Variants in BTD observed in about 807,000 individuals in gnomAD.
BTD encodes biocytinase.
In BTD, 13 loss-of-function variants were observed where a neutral mutation model predicts 17.7. The ratio of observed to expected loss-of-function variants is 0.74; its 90% CI spans 0.48 to 1.17. The LOEUF (loss-of-function observed/expected upper bound fraction) is 1.17, where lower values mean the gene tolerates loss of function less well. Among genes scored for constraint, BTD ranks in the 50% most tolerant of loss-of-function variants. BTD has a pLI of 0.00. For synonymous variants in BTD, 240 were observed against 245.2 expected, an observed-to-expected ratio of 0.98 and a Z score of 0.20; for missense variants, 674 against 650.4, an observed-to-expected ratio of 1.04 and a Z score of -0.39.
intron 2 of BTD, among the ~76,000 whole-genome samples, chr3:15,639,345 A>G (rs1159195822): frequency 6.6e-6 from 1 of 152,122 alleles, no homozygotes; most frequent in Non-Finnish European, 1.5e-5. Flanking sequence ...ATTTTCAAAA[A>G]TCTGAAAAGA....
chr3:15,601,561 T>C (rs757711833), upstream of BTD: 10 of 1,602,250 alleles, frequency 6.2e-6, no homozygotes, highest in Middle Eastern at 3.3e-4. Flanking sequence ...CCTCTGGTAC[T>C]GCACCTCTGA....
chr3:15,670,359 A>G, intron 3 of BTD: 5 of 1,614,010 alleles, frequency 3.1e-6, no homozygotes, highest in Non-Finnish European at 4.2e-6. Flanking sequence ...AAACTGCAAT[A>G]GGAGCTAGGT....
chr3:15,659,187 C>T (rs1331328292), intron 3 of BTD, among the ~76,000 whole-genome samples: 1 of 152,214 alleles, frequency 6.6e-6, no homozygotes, highest in Non-Finnish European at 1.5e-5. Flanking sequence ...GTATATCTCA[C>T]ACACCTACTC....
intron 3 of BTD, among the ~76,000 whole-genome samples, chr3:15,703,016 T>G (rs1302850889): frequency 1.3e-5 from 2 of 152,228 alleles, no homozygotes; most frequent in Non-Finnish European, 2.9e-5. Context: ...TTAAGTAATT[T>G]GCTGAAGGTC....
At chr3:15,717,949 G>A (rs1462865375) in intron 4 of BTD, among the ~76,000 whole-genome samples, 1 of 152,174 alleles carries the variant, frequency 6.6e-6, no homozygotes, top group South Asian at 2.1e-4. Context: ...AATGGAGAAT[G>A]TAGTAGGAGG....
chr3:15,634,919 G>A (rs6773682), intron 1 of BTD, among the ~76,000 whole-genome samples: 70,874 of 152,082 alleles, frequency 0.47, 18,428 homozygotes, highest in East Asian at 0.69. Context: ...AAGAAATGCA[G>A]GGAGAATTGT....
At chr3:15,629,237 A>G (rs898815302) in intron 1 of BTD, among the ~76,000 whole-genome samples, 3 of 152,198 alleles carry the variant, frequency 2.0e-5, no homozygotes. Flanking sequence ...ACATTCCTCT[A>G]TCTTCTACTC....
At chr3:15,707,022 C>T (rs2126017384) in intron 3 of BTD, among the ~76,000 whole-genome samples, 1 of 152,272 alleles carries the variant, frequency 6.6e-6, no homozygotes, top group South Asian at 2.1e-4. Flanking sequence ...AGAGTTTATA[C>T]TAAATTAACA....
chr3:15,689,713 C>G (rs1271989162), intron 3 of BTD: 1 of 236,856 alleles, frequency 4.2e-6, no homozygotes, highest in East Asian at 9.0e-5. Flanking sequence ...AGCTGGTAGT[C>G]TAGGACCTAC....
chr3:15,658,249 C>T (rs1001259152), downstream of BTD, among the ~76,000 whole-genome samples: 4 of 152,060 alleles, frequency 2.6e-5, no homozygotes, highest in African/African-American at 7.2e-5. Flanking sequence ...TACACTGGTG[C>T]TCCTGTCCAC....
At chr3:15,699,396 T>A (rs1353581908) in intron 3 of BTD, among the ~76,000 whole-genome samples, 3 of 151,910 alleles carry the variant, frequency 2.0e-5, no homozygotes, top group Non-Finnish European at 4.4e-5. Flanking sequence ...ACAAATGGGA[T>A]CTAATTAAAC....
intron 3 of BTD, among the ~76,000 whole-genome samples, chr3:15,664,705 T>C (rs2125544163): frequency 6.7e-6 from 1 of 150,270 alleles, no homozygotes; most frequent in East Asian, 1.9e-4. Flanking sequence ...TGAAAATTTA[T>C]GTTGGCTTCC....
intron 1 of BTD, among the ~76,000 whole-genome samples, chr3:15,602,650 A>G (rs2064303077): frequency 6.6e-6 from 1 of 152,196 alleles, no homozygotes; most frequent in East Asian, 1.9e-4. Flanking sequence ...TAAAGAGATG[A>G]GAGGGGAGTG....
intron 3 of BTD, among the ~76,000 whole-genome samples, chr3:15,662,974 G>T (rs987982728): frequency 6.6e-6 from 1 of 151,060 alleles, no homozygotes; most frequent in East Asian, 2.0e-4. Context: ...GATTTGCTGA[G>T]AATTACTGCA....
intron 1 of BTD, among the ~76,000 whole-genome samples, chr3:15,611,775 CAA>C (rs111335032): frequency 1.6e-5 from 2 of 121,592 alleles, no homozygotes; most frequent in African/African-American, 5.9e-5. Context: ...GAGACAGTCT[CAA>C]AAAAAAAAAA....
chr3:15,603,294 G>C (rs1364233724), intron 1 of BTD, among the ~76,000 whole-genome samples: 1 of 152,202 alleles, frequency 6.6e-6, no homozygotes, highest in African/African-American at 2.4e-5. Context: ...GCATTAACTC[G>C]AAAGTCCACA....
intron 3 of BTD, chr3:15,669,286 G>C (rs1240205774): frequency 2.0e-5 from 3 of 152,214 alleles, no homozygotes; most frequent in Admixed American, 6.5e-5. Context: ...CCATGGTGGG[G>C]ACACAAAAGT....
chr3:15,707,859 A>T, intron 3 of BTD: 1 of 1,543,178 alleles, frequency 6.5e-7, no homozygotes, highest in Non-Finnish European at 8.8e-7. Flanking sequence ...CAACAAAAAC[A>T]TCCATATGGA....
At chr3:15,693,146 C>A (rs13324474) in intron 3 of BTD, among the ~76,000 whole-genome samples, 6,293 of 152,170 alleles carry the variant, frequency 0.041, 423 homozygotes, top group African/African-American at 0.14. Context: ...TTAGTTTTAA[C>A]CTTTACAAGA....
Sources: gnomAD v4.1 joint callset for allele counts (sites outside exome capture counted in the v4.1 genomes callset) on GRCh38, gnomAD v4.1.1 for gene constraint, MANE v1.5 for transcripts, NCBI Gene and HGNC (gene_info 2026-07-23, HGNC 2026-07-21) for gene names.